ADAMTS4: variants seen among roughly 807,000 people sequenced by gnomAD.
ADAMTS4 encodes ADAM metallopeptidase with thrombospondin type 1 motif 4.
Under a neutral mutation model 66.7 loss-of-function variants are expected in ADAMTS4, and 38 were observed. That is an observed-to-expected ratio of 0.57 (90% CI 0.44 to 0.75). The LOEUF (loss-of-function observed/expected upper bound fraction) is 0.75. Ranked by LOEUF, ADAMTS4 falls within the 30% of genes least tolerant of loss-of-function variation. ADAMTS4 has a pLI of 0.00. For missense variants in ADAMTS4, 1,014 were observed against 1,116.7 expected (o/e 0.91, Z 1.31); for synonymous variants, 418 against 461.5 (o/e 0.91, Z 1.21).
Position 161,192,239 on chromosome 1 carries a change from A to G in ADAMTS4, c.1913T>C (p.Val638Ala), listed in dbSNP as rs763981957. 6.8e-6 allele frequency: 11 copies of G among 1,612,512 alleles called. No individual in the cohort carries two copies. The highest frequency in any genetic ancestry group is 9.3e-6 in the Non-Finnish European group (11 of 1,179,094). Reference sequence around the variant, plus strand: ...CGGGGAACAGGGGGTCCCATCTACCACCTGAGGAAAAGAGAAAGAACAATG... The same window carrying G: ...CGGGGAACAGGGGGTCCCATCTACCGCCTGAGGAAAAGAGAAAGAACAATG... ...LGYYYVLEPRVVDGTPCSPDS... is the reference protein window; with the variant it reads ...LGYYYVLEPRAVDGTPCSPDS... Residue 638 changes from valine to alanine, a missense_variant and splice_region_variant, in exon 8 of 9, where the codon GTG (valine) becomes GCG (alanine). Val to Ala is a moderately conservative substitution (Grantham distance 64, BLOSUM62 0). Transcript: ENST00000367996.
In ADAMTS4 at chr1:161,192,056, T is replaced by A. The variant is rs1285046741; in HGVS notation, c.2087+9A>T. ...AGGAAGGTAGAGGGAGGAATGATGG[T>A]GAAAGAACCTGAATTTCCTGAAGGA... On this transcript the variant is annotated intron_variant, in intron 8 of 8. Transcript: ENST00000367996. 1.2e-6 allele frequency: 2 copies of A among 1,613,052 alleles called. No individual in the cohort carries two copies. The highest frequency in any genetic ancestry group is 4.5e-5 in the East Asian group (2 of 44,886).
At position 161,198,256 on chromosome 1, in the gene ADAMTS4, A is replaced by C. The variant is rs776460703; in HGVS notation, c.372T>G (p.Pro124=). ...QAPELLGGAE[P]GTYLTGTING... Reference sequence around the variant, plus strand: ...TGATGGTGCCAGTCAGGTAGGTGCCAGGCTCTGCTCCACCCAGCAGCTCAG... The same window carrying C: ...TGATGGTGCCAGTCAGGTAGGTGCCCGGCTCTGCTCCACCCAGCAGCTCAG... The change falls in exon 1 of 9, where the codon CCT becomes CCG. Residue 124 remains proline (P), a synonymous_variant. Transcript: ENST00000367996. The surrounding 1 kb of genome is among the most constrained non-coding windows in gnomAD (Gnocchi z 4.7). The C allele has an allele frequency of 6.2e-7, 1 of 1,613,908 alleles. No homozygotes were observed. Among genetic ancestry groups the C allele is most frequent in the African/African-American group, 1.3e-5 (1 of 74,920 alleles).
intron 7 of ADAMTS4, 103 bp from the exon 8 acceptor site, chr1:161,192,343 A>G (rs1339655288): frequency 1.7e-6 from 2 of 1,188,126 alleles, no homozygotes; most frequent in East Asian, 2.5e-5. Flanking sequence ...ATGTTGTCGG[A>G]AAAGTTGGAT....
At position 161,193,856 on chromosome 1, in the gene ADAMTS4, T is replaced by C. The variant is rs557816673; in HGVS notation, c.1549-30A>G. ...AAAGGCACAGAACGGAAGTGGGGCA[T>C]AAGTGAACTCTCTCCTGGGCTTAAG... On this transcript the variant is annotated intron_variant, in intron 5 of 8. Coordinates refer to ENST00000367996, the MANE Select transcript of ADAMTS4 (RefSeq NM_005099.6). This position sits in a 1 kb window ranked among gnomAD's most constrained non-coding sequence, Gnocchi z 4.4. The C allele has an allele frequency of 1.3e-6, 2 of 1,578,900 alleles. No homozygotes were observed. Among genetic ancestry groups the C allele is most frequent in the African/African-American group, 1.3e-5 (1 of 74,432 alleles).
intron 7 of ADAMTS4, among the ~76,000 whole-genome samples, chr1:161,192,529 G>T (rs1417114249): frequency 3.3e-5 from 5 of 152,038 alleles, no homozygotes; most frequent in African/African-American, 1.2e-4. Context: ...ACTATTTGAG[G>T]TTTTTAGGGA....
chr1:161,195,381 C>T, intron 4 of ADAMTS4, 84 bp downstream of exon 4: 1 of 1,423,278 alleles, frequency 7.0e-7, no homozygotes, highest in South Asian at 1.4e-5. Context: ...CAATTTGGTC[C>T]ATGCAGAATG....
intron 1 of ADAMTS4, chr1:161,197,143 C>T (rs993677142): frequency 3.0e-5 from 13 of 431,870 alleles, no homozygotes; most frequent in East Asian, 9.1e-5. Flanking sequence ...CCCAGGGCTG[C>T]GGGAGCCCCA....
In ADAMTS4 at chr1:161,198,463, G is replaced by A. The variant is rs1378675203; in HGVS notation, c.165C>T (p.Leu55=). 4 of 1,572,152 alleles carry A rather than the reference G, an allele frequency of 2.5e-6. No homozygotes were observed. Among genetic ancestry groups the A allele is most frequent in the Non-Finnish European group, 2.6e-6 (3 of 1,159,066 alleles). ...GAAACACGATCTCCTCCTCCCGGGG[G>A]AGGGGGCTGGCCAGCCGGGCTGAGG... The part of the protein sequence containing the change: ...LLPSARLASP[L]PREEEIVFPE... The change falls in exon 1 of 9, where the codon CTC becomes CTT. Residue 55 remains leucine, a synonymous_variant. Coordinates refer to ENST00000367996, the MANE Select transcript of ADAMTS4 (RefSeq NM_005099.6). The surrounding 1 kb of genome is among the most constrained non-coding windows in gnomAD (Gnocchi z 4.7).
In ADAMTS4 at chr1:161,193,980, G is replaced by A; in HGVS notation, c.1503C>T (p.Cys501=). 6.2e-7 allele frequency: 1 copy of A among 1,607,690 alleles called. No individual in the cohort carries two copies. Among genetic ancestry groups the A allele is most frequent in the Non-Finnish European group, 8.5e-7 (1 of 1,175,608 alleles). ...DGTPCGPAQA[C]MGGRCLHMDQ... Reference sequence around the variant, plus strand: ...CCATGTGGAGGCAGCGACCACCCATGCAGGCCTGTGCGGGCCCGCAGGGTG... The same window carrying A: ...CCATGTGGAGGCAGCGACCACCCATACAGGCCTGTGCGGGCCCGCAGGGTG... The change falls in exon 5 of 9, where the codon TGC becomes TGT. Residue 501 remains cysteine, a synonymous_variant. Coordinates refer to ENST00000367996, the MANE Select transcript of ADAMTS4 (RefSeq NM_005099.6). The surrounding 1 kb of genome is among the most constrained non-coding windows in gnomAD (Gnocchi z 4.4).
At position 161,192,104 on chromosome 1, in the gene ADAMTS4, G is replaced by C; in HGVS notation, c.2048C>G (p.Ser683Cys). 1.2e-6 allele frequency: 2 copies of C among 1,614,078 alleles called. No homozygotes were observed. Among genetic ancestry groups the C allele is most frequent in the Non-Finnish European group, 1.7e-6 (2 of 1,180,032 alleles). The change falls in exon 8 of 9, where the codon TCT (serine) becomes TGT (cysteine). Residue 683 changes from serine (S) to cysteine (C), a missense_variant. By Grantham distance (112) the Ser-to-Cys change is moderately radical. Coordinates refer to ENST00000367996, the MANE Select transcript of ADAMTS4 (RefSeq NM_005099.6). ...GGAGCCTGACTGCTTGCTGCAACCAGAACCGTCCCCTCCGCACACCATGCA... is the reference window on the plus strand; with the variant it reads ...GGAGCCTGACTGCTTGCTGCAACCACAACCGTCCCCTCCGCACACCATGCA... ...DKCMVCGGDG[S>C]GCSKQSGSFR...
At position 161,192,249 on chromosome 1, in the gene ADAMTS4, A is replaced by G; in HGVS notation, c.1912-9T>C. ...GGGGTCCCATCTACCACCTGAGGAA[A>G]AGAGAAAGAACAATGCTGAAGGTTC... On this transcript the variant is annotated splice_polypyrimidine_tract_variant and intron_variant, in intron 7 of 8. Coordinates refer to ENST00000367996, the MANE Select transcript of ADAMTS4 (RefSeq NM_005099.6). 1 of 1,612,564 alleles carries G rather than the reference A, an allele frequency of 6.2e-7. No individual in the cohort carries two copies. Among genetic ancestry groups the G allele is most frequent in the Non-Finnish European group, 8.5e-7 (1 of 1,178,948 alleles).
At position 161,194,120 on chromosome 1, in the gene ADAMTS4, GC is replaced by G. The variant is rs1344966864; in HGVS notation, c.1362del (p.Asp456ThrfsTer125). 6.2e-7 allele frequency: 1 copy of G among 1,614,112 alleles called. No homozygotes were observed. The highest frequency in any genetic ancestry group is 8.5e-7 in the Non-Finnish European group (1 of 1,180,038). ...DADRQCQLTF[G>X]PDSRHCPQLP... ...AGCTGTGGACAATGGCGTGAGTCGG[GC>G]CCGAAGGTCAGCTGGCACTGGCGGT... On this transcript the variant is annotated frameshift_variant, in exon 5 of 9. Coordinates refer to ENST00000367996, the MANE Select transcript of ADAMTS4 (RefSeq NM_005099.6). LOFTEE classifies it high-confidence loss of function. This position sits in a 1 kb window ranked among gnomAD's most constrained non-coding sequence, Gnocchi z 4.1.
At position 161,198,243 on chromosome 1, in the gene ADAMTS4, T is replaced by C. The variant is rs747170337; in HGVS notation, c.385A>G (p.Thr129Ala). 4 of 1,613,858 alleles carry C rather than the reference T, an allele frequency of 2.5e-6. No individual in the cohort carries two copies. Among genetic ancestry groups the C allele is most frequent in the Non-Finnish European group, 3.4e-6 (4 of 1,179,972 alleles). Residue 129 changes from threonine (T) to alanine (A), a missense_variant, in exon 1 of 9, where the codon ACT (threonine) becomes GCT (alanine). Transcript: ENST00000367996. The surrounding 1 kb of genome is among the most constrained non-coding windows in gnomAD (Gnocchi z 4.7). The stretch of plus-strand genomic sequence containing the variant: ...TCCGGATCTCCATTGATGGTGCCAG[T>C]CAGGTAGGTGCCAGGCTCTGCTCCA... ...LGGAEPGTYL[T>A]GTINGDPESV...
chr1:161,189,809 G>T lies in ADAMTS4; in HGVS notation c.*1329C>A, dbSNP rs1215392108. The T allele has an allele frequency of 1.3e-5, 2 of 152,162 alleles. No individual in the cohort carries two copies. Among genetic ancestry groups the T allele is most frequent in the African/African-American group, 4.8e-5 (2 of 41,438 alleles). 9.4% of individuals were successfully genotyped at this position (152,162 alleles called of 1,614,324 possible). A position where few individuals can be genotyped will look rare whatever the true frequency, so the allele number is the denominator to read the frequency against. On this transcript the variant is annotated 3_prime_UTR_variant, in exon 9 of 9. Transcript: ENST00000367996. Reference sequence around the variant, plus strand: ...TCCTCACAACAAACTTCTAAGGGAGGTATTATTATTGGCAAATGAGAAATC... The same window carrying T: ...TCCTCACAACAAACTTCTAAGGGAGTTATTATTATTGGCAAATGAGAAATC...
At position 161,192,118 on chromosome 1, in the gene ADAMTS4, G is replaced by A. The variant is rs550067062; in HGVS notation, c.2034C>T (p.Cys678=). Residue 678 remains cysteine, a synonymous_variant, in exon 8 of 9, where the codon TGC becomes TGT. Coordinates refer to ENST00000367996, the MANE Select transcript of ADAMTS4 (RefSeq NM_005099.6). ...SKKKFDKCMV[C]GGDGSGCSKQ... is the part of the protein sequence containing the mutation. ...TGCTGCAACCAGAACCGTCCCCTCC[G>A]CACACCATGCACTTGTCAAACTTCT... The A allele has an allele frequency of 7.1e-5, 114 of 1,614,070 alleles. 1 individual carries two copies. In the South Asian group the frequency reaches 8.3e-4, roughly 12 times the overall value.
Position 161,198,460 on chromosome 1 carries a change from G to C in ADAMTS4, c.168C>G (p.Pro56=). 1 of 1,573,240 alleles carries C rather than the reference G, an allele frequency of 6.4e-7. No homozygotes were observed. The highest frequency in any genetic ancestry group is 2.4e-5 in the East Asian group (1 of 42,272). The stretch of plus-strand genomic sequence containing the variant: ...CTGGAAACACGATCTCCTCCTCCCG[G>C]GGGAGGGGGCTGGCCAGCCGGGCTG... ...LPSARLASPL[P]REEEIVFPEK... Residue 56 remains proline, a synonymous_variant, in exon 1 of 9, where the codon CCC becomes CCG. Coordinates refer to ENST00000367996, the MANE Select transcript of ADAMTS4 (RefSeq NM_005099.6). The surrounding 1 kb of genome is among the most constrained non-coding windows in gnomAD (Gnocchi z 4.7).
Position 161,196,587 on chromosome 1 carries a change from G to A in ADAMTS4, c.927C>T (p.His309=). The A allele has an allele frequency of 6.2e-7, 1 of 1,614,216 alleles. No individual in the cohort carries two copies. The highest frequency in any genetic ancestry group is 8.5e-7 in the Non-Finnish European group (1 of 1,180,032). ...LNTPEDSDPD[H]FDTAILFTRQ... ...GGGTAAACAGAATGGCTGTGTCAAA[G>A]TGGTCAGGGTCCGAGTCCTCAGGGG... Residue 309 remains histidine (H), a synonymous_variant, in exon 2 of 9, where the codon CAC becomes CAT. Transcript: ENST00000367996.
At position 161,193,681 on chromosome 1, in the gene ADAMTS4, C is replaced by T. The variant is rs759418589; in HGVS notation, c.1694G>A (p.Arg565His). 8.1e-6 allele frequency: 13 copies of T among 1,613,600 alleles called. No individual in the cohort carries two copies. Among genetic ancestry groups the T allele is most frequent in the South Asian group, 5.5e-5 (5 of 91,048 alleles). The change falls in exon 6 of 9, where the codon CGC (arginine) becomes CAC (histidine). Residue 565 changes from arginine (R) to histidine (H), a missense_variant. Arg to His is a conservative substitution (Grantham distance 29). Coordinates refer to ENST00000367996, the MANE Select transcript of ADAMTS4 (RefSeq NM_005099.6). This position sits in a 1 kb window ranked among gnomAD's most constrained non-coding sequence, Gnocchi z 4.4. ...GGKYCEGRRT[R>H]FRSCNTEDCP... is the part of the protein sequence containing the mutation. Reference sequence around the variant, plus strand: ...GTCCTCAGTGTTGCAGGAGCGGAAGCGGGTACGGCGGCCCTCACAGTACTT... The same window carrying T: ...GTCCTCAGTGTTGCAGGAGCGGAAGTGGGTACGGCGGCCCTCACAGTACTT...
At position 161,198,095 on chromosome 1, in the gene ADAMTS4, GCCCCAGGT is replaced by G; in HGVS notation, c.525_532del (p.Pro176SerfsTer40). ...AGGACTCTTCCGGCGTAGGATGTGA[GCCCCAGGT>G]CCCCCAGCAGAGTTAGGGGTGCCTC... On this transcript the variant is annotated frameshift_variant, in exon 1 of 9. Coordinates refer to ENST00000367996, the MANE Select transcript of ADAMTS4 (RefSeq NM_005099.6). LOFTEE classifies it high-confidence loss of function. The surrounding 1 kb of genome is among the most constrained non-coding windows in gnomAD (Gnocchi z 4.7). 6.2e-7 allele frequency: 1 copy of G among 1,613,502 alleles called. No homozygotes were observed. The highest frequency in any genetic ancestry group is 8.5e-7 in the Non-Finnish European group (1 of 1,179,642).
Sources: gnomAD v4.1 joint callset for allele counts (sites outside exome capture counted in the v4.1 genomes callset) on GRCh38, gnomAD v4.1.1 for gene constraint, Gnocchi (gnomAD v3.1) non-coding constraint, MANE v1.5 for transcripts, NCBI Gene and HGNC (gene_info 2026-07-23, HGNC 2026-07-21) for gene names.